The following ZBTB7A variants were observed in gnomAD, a reference collection of about 807,000 sequenced individuals.
The protein encoded by ZBTB7A is zinc finger and BTB domain containing 7A, also known as zinc finger and BTB domain-containing protein 7A.
A neutral mutation model predicts 26.7 loss-of-function variants in ZBTB7A; 7 were observed. The observed-to-expected ratio is 0.26, with a 90% CI of 0.15 to 0.49. The LOEUF is 0.49. Ranked by LOEUF, ZBTB7A falls within the 20% of genes least tolerant of loss-of-function variation. ZBTB7A has a pLI of 0.98. For synonymous variants in ZBTB7A, 452 were observed against 441.0 expected (o/e 1.02, Z -0.31); for missense variants, 617 against 919.5 (o/e 0.67, Z 4.25).
At chr19:4,059,998 A>G (rs1462504440) in intron 1 of ZBTB7A, among the ~76,000 whole-genome samples, 1 of 151,512 alleles carries the variant, frequency 6.6e-6, no homozygotes, top group Non-Finnish European at 1.5e-5. Flanking sequence ...CACGCCAGCC[A>G]GGTCCCCACC....
rs1231167051 is a variant in ZBTB7A, at chr19:4,047,516, G to A, written c.*236C>T. On this transcript the variant is annotated 3_prime_UTR_variant, in exon 3 of 3. Transcript: ENST00000322357. The stretch of plus-strand genomic sequence containing the variant: ...GGTGGTGGGGGGAAGGGGAGCCAGG[G>A]AGGGCCGGGGCCCCTGCGGAGGGAG... 1 of 259,538 alleles carries A rather than the reference G, an allele frequency of 3.9e-6. No individual in the cohort carries two copies. The highest frequency in any genetic ancestry group is 2.3e-5 in the African/African-American group (1 of 44,252). 16.1% of individuals were successfully genotyped at this position (259,538 alleles called of 1,614,324 possible).
At chr19:4,063,823 C>T (rs771376294) in intron 1 of ZBTB7A, among the ~76,000 whole-genome samples, 1 of 151,594 alleles carries the variant, frequency 6.6e-6, no homozygotes, top group Non-Finnish European at 1.5e-5. Flanking sequence ...CTTCCCCCTA[C>T]GCTTCAGTCT....
chr19:4,060,280 C>T (rs965261961), intron 1 of ZBTB7A, among the ~76,000 whole-genome samples: 3 of 151,890 alleles, frequency 2.0e-5, no homozygotes, highest in African/African-American at 4.8e-5. Flanking sequence ...AGACAGCCCA[C>T]GCCCCGGCCC....
At position 4,047,788 on chromosome 19, in the gene ZBTB7A, G is replaced by A. The variant is rs2040441179; in HGVS notation, c.1719C>T (p.Ala573=). 4.4e-6 allele frequency: 7 copies of A among 1,599,810 alleles called. No individual in the cohort carries two copies. Among genetic ancestry groups the A allele is most frequent in the Admixed American group, 1.7e-5 (1 of 58,252 alleles). The change falls in exon 3 of 3, where the codon GCC becomes GCT. Residue 573 remains alanine (A), a synonymous_variant. Coordinates refer to ENST00000322357, the MANE Select transcript of ZBTB7A (RefSeq NM_015898.4). ...CGGCTGTGAAGTTACCGTCGGTGGC[G>A]GCCCCGGGGCCACCTCCGCTGTCAC... ...GGGDSGGGPG[A]ATDGNFTAGL...
chr19:4,064,100 C>T (rs1468176644), intron 1 of ZBTB7A, among the ~76,000 whole-genome samples: 6 of 152,254 alleles, frequency 3.9e-5, no homozygotes, highest in Non-Finnish European at 8.8e-5. Flanking sequence ...GGCCGCGCCT[C>T]AGTCTCCCGC....
intron 2 of ZBTB7A, among the ~76,000 whole-genome samples, chr19:4,050,133 C>T (rs1192509468): frequency 3.3e-5 from 5 of 151,970 alleles, no homozygotes; most frequent in South Asian, 2.1e-4. Context: ...CCATGTTGGC[C>T]GGGCTGGTCT....
At chr19:4,053,572 CGCATGTCGGTGTGCGTGTGTGTGCGT>C (rs2040529678) in intron 2 of ZBTB7A, among the ~76,000 whole-genome samples, 2 of 139,848 alleles carry the variant, frequency 1.4e-5, no homozygotes, top group African/African-American at 5.4e-5. Context: ...TGTGTGTGCG[CGCATGTCGGTGTGCGTGTGTGTGCGT>C]GCATGTGTAT....
rs1265213875 is a variant in ZBTB7A at position 4,049,211 on chromosome 19, T to TATATATATATATATATATATATATA, written c.1263-968_1263-967insTATATATATATATATATATATATAT. Among the ~76,000 whole-genome samples the TATATATATATATATATATATATATA allele has an allele frequency of 2.1e-4, 9 of 43,186 alleles. 2 individuals are homozygous for TATATATATATATATATATATATATA. The highest frequency in any genetic ancestry group is 3.9e-4 in the Non-Finnish European group (7 of 17,794). The allele number at this position is 43,186 out of a possible 152,430, so 28.3% of individuals were successfully genotyped here. ...ATATATATATATATATATATATATGTAAGTTTGAGAGATGGGGGTTGAGCT... is the reference window on the plus strand; with the variant it reads ...ATATATATATATATATATATATATGTATATATATATATATATATATATATAAAGTTTGAGAGATGGGGGTTGAGCT... On this transcript the variant is annotated intron_variant, in intron 2 of 2. Coordinates refer to ENST00000322357, the MANE Select transcript of ZBTB7A (RefSeq NM_015898.4).
At position 4,054,909 on chromosome 19, in the gene ZBTB7A, G is replaced by A. The variant is rs1423972076; in HGVS notation, c.324C>T (p.Leu108=). The stretch of plus-strand genomic sequence containing the variant: ...GGATCTCCAGCAGGCGGGCGGCGCT[G>A]AGGATGTCACCCACGTTGGCTGTGC... ...TVSTANVGDI[L]SAARLLEIPA... The change falls in exon 2 of 3, where the codon CTC becomes CTT. Residue 108 remains leucine, a synonymous_variant. Transcript: ENST00000322357. 1.9e-6 allele frequency: 3 copies of A among 1,609,916 alleles called. No individual in the cohort carries two copies. Among genetic ancestry groups the A allele is most frequent in the East Asian group, 2.2e-5 (1 of 44,744 alleles).
In ZBTB7A at chr19:4,054,762, G is replaced by A. The variant is rs930335609; in HGVS notation, c.471C>T (p.Ala157=). ...TCTGGAAGAACTCGAGGTACTCCTT[G>A]GCGCGGAGGAGGTTGCGCTGATCAA... ...DQIDQRNLLR[A]KEYLEFFQSN... The change falls in exon 2 of 3, where the codon GCC becomes GCT. Residue 157 remains alanine (A), a synonymous_variant. Coordinates refer to ENST00000322357, the MANE Select transcript of ZBTB7A (RefSeq NM_015898.4). 3.2e-6 allele frequency: 5 copies of A among 1,572,714 alleles called. No homozygotes were observed. Among genetic ancestry groups the A allele is most frequent in the African/African-American group, 1.4e-5 (1 of 73,912 alleles).
At chr19:4,065,577 C>T (rs1324488765) in intron 1 of ZBTB7A, 1 of 145,762 alleles carries the variant, frequency 6.9e-6, no homozygotes, top group Non-Finnish European at 1.5e-5. Context: ...AATCCCCACC[C>T]GGGCTGGGGG....
chr19:4,061,094 C>T (rs1485591980), intron 1 of ZBTB7A, among the ~76,000 whole-genome samples: 1 of 152,208 alleles, frequency 6.6e-6, no homozygotes, highest in African/African-American at 2.4e-5. Context: ...CGCTCACATC[C>T]ATTCAGCAAA....
At chr19:4,051,875 G>A (rs186416222) in intron 2 of ZBTB7A, among the ~76,000 whole-genome samples, 1 of 152,072 alleles carries the variant, frequency 6.6e-6, no homozygotes, top group East Asian at 1.9e-4. Flanking sequence ...TGGGGGCGGA[G>A]GTATCCCTAG....
At chr19:4,057,880 G>A (rs2144999810) in intron 1 of ZBTB7A, among the ~76,000 whole-genome samples, 2 of 152,140 alleles carry the variant, frequency 1.3e-5, no homozygotes, top group Non-Finnish European at 2.9e-5. Context: ...CGTGAGCTGA[G>A]GCCACTTGCC....
chr19:4,057,781 CAA>C (rs55908345), intron 1 of ZBTB7A, among the ~76,000 whole-genome samples: 10 of 84,236 alleles, frequency 1.2e-4, no homozygotes, highest in East Asian at 4.6e-4. Flanking sequence ...GACTCGTCTC[CAA>C]AAAAAAAAAA....
Position 4,047,906 on chromosome 19 carries a change from T to G in ZBTB7A, c.1601A>C (p.Gln534Pro). The G allele has an allele frequency of 2.0e-5, 31 of 1,522,390 alleles. No individual in the cohort carries two copies. The highest frequency in any genetic ancestry group is 5.5e-5 in the East Asian group (2 of 36,256). The allele number at this position is 1,522,390 out of a possible 1,614,324, so 94.3% of individuals were successfully genotyped here. The change falls in exon 3 of 3, where the codon CAG becomes CCG. Residue 534 changes from glutamine to proline, a missense_variant. Gln to Pro is a moderately conservative substitution (Grantham distance 76). This residue lies in a region of ZBTB7A where 136 missense variants were observed against 126.6 expected (regional missense o/e 1.07). Transcript: ENST00000322357. ...PSSPDARRNG[Q>P]EKHFKDEDED... ...GTCCTCGTCCTTAAAGTGCTTCTCC[T>G]GGCCGTTGCGCCGGGCGTCGGGGGA... is the stretch of plus-strand genomic sequence containing the variant.
intron 1 of ZBTB7A, among the ~76,000 whole-genome samples, chr19:4,064,161 G>C (rs961200881): frequency 6.6e-6 from 1 of 152,230 alleles, no homozygotes; most frequent in African/African-American, 2.4e-5. Flanking sequence ...GGCCTCTGCC[G>C]ATGCGTGGCT....
chr19:4,047,909 C>T lies in ZBTB7A; in HGVS notation c.1598G>A (p.Gly533Asp). Residue 533 changes from glycine to aspartate, a missense_variant, in exon 3 of 3, where the codon GGC becomes GAC. Gly to Asp is a moderately conservative substitution (Grantham distance 94). Coordinates refer to ENST00000322357, the MANE Select transcript of ZBTB7A (RefSeq NM_015898.4). ...CTCGTCCTTAAAGTGCTTCTCCTGG[C>T]CGTTGCGCCGGGCGTCGGGGGAGCT... is the stretch of plus-strand genomic sequence containing the variant. Reference protein sequence around the residue: ...QPSSPDARRNGQEKHFKDEDE... With the variant: ...QPSSPDARRNDQEKHFKDEDE... The T allele has an allele frequency of 6.5e-7, 1 of 1,544,278 alleles. No individual in the cohort carries two copies. The highest frequency in any genetic ancestry group is 8.7e-7 in the Non-Finnish European group (1 of 1,146,922).
In ZBTB7A at chr19:4,044,952, C is replaced by G. The variant is rs1201171809; in HGVS notation, c.*2800G>C. The G allele has an allele frequency of 8.7e-6, 1 of 114,642 alleles. No individual in the cohort carries two copies. The highest frequency in any genetic ancestry group is 1.7e-5 in the Non-Finnish European group (1 of 59,548). The allele number at this position is 114,642 out of a possible 1,614,324, so 7.1% of individuals were successfully genotyped here. A position where few individuals can be genotyped will look rare whatever the true frequency, so the allele number is the denominator to read the frequency against. On this transcript the variant is annotated 3_prime_UTR_variant, in exon 3 of 3. Transcript: ENST00000322357. Reference sequence around the variant, plus strand: ...CGTCTATATACAGTATGTGATTGCGCGGAGTCTGGGGAGGGCGGGGCTGGG... The same window carrying G: ...CGTCTATATACAGTATGTGATTGCGGGGAGTCTGGGGAGGGCGGGGCTGGG...
Sources: allele counts gnomAD v4.1 joint callset (sites outside exome capture counted in the v4.1 genomes callset), GRCh38; gene constraint gnomAD v4.1.1; regional missense constraint gnomAD v4.1.1; transcripts MANE v1.5; gene names NCBI Gene and HGNC (gene_info 2026-07-23, HGNC 2026-07-21).